Variants in BICD1 observed in about 807,000 individuals in gnomAD.
BICD1 encodes protein bicaudal D homolog 1.
Under a neutral mutation model 92.5 loss-of-function variants are expected in BICD1, and 35 were observed. The observed-to-expected ratio is 0.38, with a 90% confidence interval of 0.29 to 0.50. BICD1 has a LOEUF of 0.50. Among genes scored for constraint, BICD1 ranks in the 20% least tolerant of loss-of-function variants. The pLI is 0.93. For missense variants in BICD1, 950 were observed against 1,189.8 expected, an observed-to-expected ratio of 0.80 and a Z score of 2.97; for synonymous variants, 429 against 465.1, an observed-to-expected ratio of 0.92 and a Z score of 1.00.
chr12:32,156,424 G>A (rs759711980), intron 1 of BICD1, among the ~76,000 whole-genome samples: 4 of 152,242 alleles, frequency 2.6e-5, no homozygotes, highest in South Asian at 4.1e-4. Context: ...AGATATAGCC[G>A]AGGGCAGTCT....
At chr12:32,300,792 C>T (rs1468910287) in intron 3 of BICD1, among the ~76,000 whole-genome samples, 4 of 150,774 alleles carry the variant, frequency 2.7e-5, no homozygotes, top group African/African-American at 9.8e-5. Context: ...CTACAGGCAC[C>T]CACCACCATG....
At chr12:32,365,106 G>T (rs1488309142) in intron 8 of BICD1, among the ~76,000 whole-genome samples, 1 of 152,032 alleles carries the variant, frequency 6.6e-6, no homozygotes, top group African/African-American at 2.4e-5. Flanking sequence ...GCGTGGTGGC[G>T]CACGCTTGTA....
At chr12:32,259,028 G>A (rs1316833709) in intron 2 of BICD1, among the ~76,000 whole-genome samples, 1 of 152,112 alleles carries the variant, frequency 6.6e-6, no homozygotes, top group Non-Finnish European at 1.5e-5. Flanking sequence ...TAAGTAACAG[G>A]TGCTTTCCCA....
intron 1 of BICD1, among the ~76,000 whole-genome samples, chr12:32,175,961 C>G (rs1944078362): frequency 6.6e-6 from 1 of 152,204 alleles, no homozygotes; most frequent in African/African-American, 2.4e-5. Flanking sequence ...CTGGACATTT[C>G]ATATAAATGA....
chr12:32,338,427 A>C (rs1023236751), intron 7 of BICD1: 2 of 189,580 alleles, frequency 1.1e-5, no homozygotes, highest in African/African-American at 4.7e-5. Context: ...AACCACTTGT[A>C]AGGTTTTTAG....
intron 2 of BICD1, among the ~76,000 whole-genome samples, chr12:32,262,982 GA>G (rs146075404): frequency 2.4e-4 from 35 of 145,790 alleles, no homozygotes; most frequent in East Asian, 6.0e-4. Context: ...CGTCTCTATT[GA>G]AAAAAAAAAA....
At position 32,142,405 on chromosome 12, in the gene BICD1, TAAAAAAA is replaced by T. The variant is rs1162662533; in HGVS notation, c.213+34881_213+34887del. On this transcript the variant is annotated intron_variant, in intron 1 of 9. Coordinates refer to ENST00000652176, the MANE Select transcript of BICD1 (RefSeq NM_001714.4). ...CTGGGCAAAAGAGTGAGACTCTGTC[TAAAAAAA>T]AAAAAAAAAAAAAAAAAAACAAAAA... 6.3e-3 allele frequency among the ~76,000 whole-genome samples: 398 copies of T among 63,398 alleles called. 4 individuals carry two copies. Among genetic ancestry groups the T allele is most frequent in the African/African-American group, 0.023 (335 of 14,760 alleles). 41.6% of individuals were successfully genotyped at this position (63,398 alleles called of 152,430 possible). A position where few individuals can be genotyped will look rare whatever the true frequency, so the allele number is the denominator to read the frequency against.
At chr12:32,129,841 G>A (rs1942477838) in intron 1 of BICD1, among the ~76,000 whole-genome samples, 2 of 152,086 alleles carry the variant, frequency 1.3e-5, no homozygotes, top group Non-Finnish European at 2.9e-5. Flanking sequence ...GAAAATTCCT[G>A]AGAATATTTA....
chr12:32,279,616 G>A (rs964584995), intron 2 of BICD1, among the ~76,000 whole-genome samples: 9 of 152,158 alleles, frequency 5.9e-5, no homozygotes, highest in Non-Finnish European at 1.0e-4. Flanking sequence ...TAAAAGGGCC[G>A]ATTTTATGCT....
chr12:32,338,620 G>A, intron 7 of BICD1, 166 bp from the exon 8 acceptor site: 1 of 568,024 alleles, frequency 1.8e-6, no homozygotes. Flanking sequence ...AAATAGGGTT[G>A]TATCCTGATG....
chr12:32,290,107 G>A (rs555083196), intron 2 of BICD1, among the ~76,000 whole-genome samples: 43 of 152,252 alleles, frequency 2.8e-4, no homozygotes, highest in East Asian at 1.4e-3. Context: ...AGTGAAAAAC[G>A]CCAGACAGCC....
chr12:32,137,048 T>C (rs1350267847), intron 1 of BICD1, among the ~76,000 whole-genome samples: 2 of 152,192 alleles, frequency 1.3e-5, no homozygotes, highest in Non-Finnish European at 2.9e-5. Context: ...TTTCACTGAA[T>C]ATTTAGTATT....
intron 1 of BICD1, among the ~76,000 whole-genome samples, chr12:32,199,303 T>C (rs1242192397): frequency 6.6e-6 from 1 of 152,176 alleles, no homozygotes; most frequent in Non-Finnish European, 1.5e-5. Flanking sequence ...AGCTCAGGGC[T>C]TGTATGGCAA....
intron 4 of BICD1, among the ~76,000 whole-genome samples, chr12:32,320,535 G>A (rs982381412): frequency 2.0e-5 from 3 of 152,082 alleles, no homozygotes; most frequent in Admixed American, 6.6e-5. Context: ...CCAGCTACTC[G>A]GGAGGCTGAG....
chr12:32,159,543 A>T (rs552757564), intron 1 of BICD1, among the ~76,000 whole-genome samples: 17 of 152,282 alleles, frequency 1.1e-4, no homozygotes, highest in Non-Finnish European at 2.2e-4. Context: ...AGCCACTACT[A>T]TCCTTTGTCT....
chr12:32,250,825 A>G (rs939805081), intron 2 of BICD1, among the ~76,000 whole-genome samples: 1 of 152,108 alleles, frequency 6.6e-6, no homozygotes, highest in Non-Finnish European at 1.5e-5. Flanking sequence ...TACAAAAAAA[A>G]TACAAAAATT....
chr12:32,145,666 A>G (rs1320913196), intron 1 of BICD1, among the ~76,000 whole-genome samples: 1 of 152,238 alleles, frequency 6.6e-6, no homozygotes, highest in Non-Finnish European at 1.5e-5. Flanking sequence ...ATAGAATTTG[A>G]TGATCAGATG....
rs1417006056 is a variant in BICD1 at position 32,230,445 on chromosome 12, AGC to A, written c.426+13987_426+13988del. On this transcript the variant is annotated intron_variant, in intron 2 of 9. Transcript: ENST00000652176. The stretch of plus-strand genomic sequence containing the variant: ...AAATAAATAAATAAATAAATAAATA[AGC>A]AAGCAAATAAATAAATAGGAATTCA... Among the ~76,000 whole-genome samples the A allele has an allele frequency of 0.018, 387 of 21,872 alleles. 1 individual carries two copies. The East Asian group carries it at 0.18, about 10-fold the overall frequency. The allele number at this position is 21,872 out of a possible 152,430, so 14.3% of individuals were successfully genotyped here.
At chr12:32,287,683 C>T (rs1457112996) in intron 2 of BICD1, among the ~76,000 whole-genome samples, 1 of 152,194 alleles carries the variant, frequency 6.6e-6, no homozygotes, top group African/African-American at 2.4e-5. Flanking sequence ...ACTACAGGTG[C>T]CCGCCACCAC....
Sources: allele counts gnomAD v4.1 joint callset (sites outside exome capture counted in the v4.1 genomes callset), GRCh38; gene constraint gnomAD v4.1.1; transcripts MANE v1.5; gene names NCBI Gene and HGNC (gene_info 2026-07-23, HGNC 2026-07-21).